Variants in KSR2 observed in about 807,000 individuals in gnomAD.
KSR2 encodes kinase suppressor of ras 2.
Under a neutral mutation model 107.8 loss-of-function variants are expected in KSR2, and 25 were observed. The ratio of observed to expected loss-of-function variants is 0.23; its 90% CI spans 0.17 to 0.32. The LOEUF (loss-of-function observed/expected upper bound fraction) is 0.32, where lower values mean the gene tolerates loss of function less well. Among genes scored for constraint, KSR2 ranks in the 10% least tolerant of loss-of-function variants. KSR2 has a pLI of 1.00. For synonymous variants in KSR2, 480 were observed against 507.0 expected (o/e 0.95, Z 0.71); for missense variants, 887 against 1,268.9 (o/e 0.70, Z 4.57).
At chr12:117,610,228 T>C (rs1881517990) in intron 5 of KSR2, among the ~76,000 whole-genome samples, 1 of 152,144 alleles carries the variant, frequency 6.6e-6, no homozygotes, top group African/African-American at 2.4e-5. Context: ...GCCTTGGAAA[T>C]AAGCACACTT....
intron 16 of KSR2, among the ~76,000 whole-genome samples, chr12:117,479,974 C>T (rs577449120): frequency 1.3e-5 from 2 of 152,074 alleles, no homozygotes; most frequent in East Asian, 3.9e-4. Context: ...TGGCACAGGA[C>T]TGTGTCAGCT....
chr12:117,865,504 T>C (rs1246834726), intron 1 of KSR2, among the ~76,000 whole-genome samples: 2 of 152,178 alleles, frequency 1.3e-5, no homozygotes, highest in Non-Finnish European at 2.9e-5. Context: ...TAATAATAAA[T>C]GACCATGCTT....
chr12:117,465,901 G>A lies in KSR2; in HGVS notation c.*1298C>T. 1 of 152,348 alleles carries A rather than the reference G, an allele frequency of 6.6e-6. No individual in the cohort carries two copies. The allele number at this position is 152,348 out of a possible 1,614,324, so 9.4% of individuals were successfully genotyped here. On this transcript the variant is annotated 3_prime_UTR_variant, in exon 20 of 20. Coordinates refer to ENST00000339824, the MANE Select transcript of KSR2 (RefSeq NM_173598.6). The stretch of plus-strand genomic sequence containing the variant: ...CATCTGCATGCCCAGCCTGCTCTCG[G>A]CATCCTTCCTACAGATACAGAACAC...
chr12:117,517,564 G>C, intron 14 of KSR2: 1 of 242,580 alleles, frequency 4.1e-6, no homozygotes, highest in Non-Finnish European at 8.2e-6. Context: ...TCATAGGATG[G>C]ATTACACAGG....
intron 1 of KSR2, among the ~76,000 whole-genome samples, chr12:117,901,435 T>C (rs1215526976): frequency 2.0e-5 from 3 of 151,782 alleles, no homozygotes; most frequent in Non-Finnish European, 4.4e-5. Context: ...CCCGAGTAGC[T>C]GGGACTACAG....
intron 4 of KSR2, among the ~76,000 whole-genome samples, chr12:117,748,708 GA>G (rs1211177282): frequency 1.3e-5 from 2 of 152,146 alleles, no homozygotes; most frequent in East Asian, 3.9e-4. Context: ...TTGTGTTAGT[GA>G]AAATGTGTCC....
chr12:117,562,214 T>C (rs985806420), intron 7 of KSR2, among the ~76,000 whole-genome samples: 2 of 138,548 alleles, frequency 1.4e-5, no homozygotes, highest in Non-Finnish European at 3.0e-5. Flanking sequence ...TTTAAAGTGA[T>C]GAGAACTTTT....
intron 1 of KSR2, among the ~76,000 whole-genome samples, chr12:117,886,224 T>G (rs560288567): frequency 2.1e-3 from 311 of 150,108 alleles, no homozygotes; most frequent in Admixed American, 5.6e-3. Context: ...ATAAATATAT[T>G]TATGTAAATG....
chr12:117,522,597 G>A (rs1164926003), intron 14 of KSR2, among the ~76,000 whole-genome samples: 2 of 152,162 alleles, frequency 1.3e-5, no homozygotes, highest in African/African-American at 2.4e-5. Context: ...TCCTTGCAGT[G>A]GGACATTGCA....
At chr12:117,960,806 T>C (rs1307660302) in intron 1 of KSR2, among the ~76,000 whole-genome samples, 1 of 151,310 alleles carries the variant, frequency 6.6e-6, no homozygotes, top group Non-Finnish European at 1.5e-5. Flanking sequence ...CCTTTTTTTT[T>C]TTTTTTTTCT....
In KSR2 at chr12:117,539,800, G is replaced by A. The variant is rs1278955224; in HGVS notation, c.1606C>T (p.Leu536Phe). The A allele has an allele frequency of 3.1e-6, 5 of 1,603,626 alleles. No individual in the cohort carries two copies. Among genetic ancestry groups the A allele is most frequent in the African/African-American group, 1.3e-5 (1 of 74,224 alleles). Residue 536 changes from leucine (L) to phenylalanine (F), a missense_variant, in exon 10 of 20, where the codon CTC becomes TTC. Transcript: ENST00000339824. ...SSTPSSPAPP[L>F]PPSATPPSPL... ...GAAGGCGGCGTGGCACTAGGAGGGA[G>A]GGGGGGTGCTGGCGAGGAGGGCGTG...
At chr12:117,616,870 T>C (rs1881919483) in intron 5 of KSR2, among the ~76,000 whole-genome samples, 1 of 152,226 alleles carries the variant, frequency 6.6e-6, no homozygotes, top group Non-Finnish European at 1.5e-5. Flanking sequence ...ATGATTCATC[T>C]TTTTATTCTT....
intron 4 of KSR2, among the ~76,000 whole-genome samples, chr12:117,750,583 G>T (rs539869970): frequency 6.6e-6 from 1 of 152,170 alleles, no homozygotes. Context: ...TAAGGTTCGG[G>T]GTATGATAGA....
intron 5 of KSR2, among the ~76,000 whole-genome samples, chr12:117,651,108 C>A (rs1172386187): frequency 6.6e-6 from 1 of 152,160 alleles, no homozygotes; most frequent in Admixed American, 6.5e-5. Context: ...CTCTGATGGA[C>A]CCTTTTTGCC....
intron 5 of KSR2, among the ~76,000 whole-genome samples, chr12:117,629,170 G>A (rs1882686680): frequency 6.6e-6 from 1 of 152,226 alleles, no homozygotes; most frequent in African/African-American, 2.4e-5. Context: ...GTGAGTTGAT[G>A]ACCCGCACTG....
At chr12:117,582,411 G>A (rs1879724002) in intron 5 of KSR2, 52 bp from the exon 6 acceptor site, 1 of 1,436,736 alleles carries the variant, frequency 7.0e-7, no homozygotes, top group Non-Finnish European at 9.8e-7. Context: ...GACTGGGGTG[G>A]GCTCTGGCAA....
Position 117,667,593 on chromosome 12 carries a change from A to T in KSR2, c.1052T>A (p.Ile351Asn). 2 of 1,613,300 alleles carry T rather than the reference A, an allele frequency of 1.2e-6. No homozygotes were observed. The highest frequency in any genetic ancestry group is 1.1e-5 in the South Asian group (1 of 90,910). ...IHSSVGSCEN[I>N]PSQQRSPLLS... ...CAGCGGGGAGCGCTGCTGAGAGGGG[A>T]TGTTCTCGCAGCTGCCTACGCTGCT... The change falls in exon 5 of 20, where the codon ATC becomes AAC. Residue 351 changes from isoleucine to asparagine, a missense_variant. By Grantham distance (149) the Ile-to-Asn change is moderately radical. Around this residue, in one of 8 missense-constraint regions of KSR2, gnomAD observed 399 missense variants for 479.5 expected, o/e 0.83. Coordinates refer to ENST00000339824, the MANE Select transcript of KSR2 (RefSeq NM_173598.6).
intron 5 of KSR2, among the ~76,000 whole-genome samples, chr12:117,594,768 C>T (rs145521654): frequency 7.2e-5 from 11 of 152,294 alleles, no homozygotes; most frequent in African/African-American, 2.2e-4. Flanking sequence ...CCTAGAGCAA[C>T]AGTTCTCAAT....
At chr12:117,789,739 C>A (rs7958901) in intron 3 of KSR2, among the ~76,000 whole-genome samples, 86,568 of 152,014 alleles carry the variant, frequency 0.57, 26,108 homozygotes, top group East Asian at 0.77. Context: ...ACCAATTCCT[C>A]CTATAAGCAA....
Sources: gnomAD v4.1 joint callset for allele counts (sites outside exome capture counted in the v4.1 genomes callset) on GRCh38, gnomAD v4.1.1 for gene constraint, gnomAD v4.1.1 regional missense constraint, MANE v1.5 for transcripts, NCBI Gene and HGNC (gene_info 2026-07-23, HGNC 2026-07-21) for gene names.